KANSL1: variants seen among roughly 807,000 people sequenced by gnomAD.
KANSL1 encodes KAT8 regulatory NSL complex subunit 1, also known as MLL1/MLL complex subunit KANSL1.
KANSL1 carries 22 observed loss-of-function variants against 103.6 expected under a neutral mutation model. The ratio of observed to expected loss-of-function variants is 0.21; its 90% CI spans 0.15 to 0.30. The LOEUF (loss-of-function observed/expected upper bound fraction) is 0.30, where lower values mean the gene tolerates loss of function less well. Among genes scored for constraint, KANSL1 ranks in the 10% least tolerant of loss-of-function variants. The pLI is 1.00. For synonymous variants in KANSL1, 600 were observed against 527.6 expected (o/e 1.14, Z -1.88); for missense variants, 1,337 against 1,399.8 (o/e 0.96, Z 0.72).
intron 8 of KANSL1, 185 bp downstream of exon 8, chr17:46,039,517 G>T (rs1246255412): frequency 5.9e-6 from 4 of 682,468 alleles, no homozygotes; most frequent in Admixed American, 6.0e-5. Flanking sequence ...ATGGTGTCTA[G>T]AATAGCTCCC....
At chr17:46,097,302 AG>A (rs1312416119) in intron 2 of KANSL1, among the ~76,000 whole-genome samples, 1 of 152,260 alleles carries the variant, frequency 6.6e-6, no homozygotes, top group African/African-American at 2.4e-5. Context: ...CAAGTAGTGA[AG>A]GAATTTGATG....
rs1396054075 is a variant in KANSL1 at position 46,030,181 on chromosome 17, A to G, written c.*1295T>C. ...TTCAATGCTAAAAGGGTTATTCAGA[A>G]TTTTCAACCTTATAAATAGAAGAAG... is the stretch of plus-strand genomic sequence containing the variant. On this transcript the variant is annotated 3_prime_UTR_variant, in exon 15 of 15. Coordinates refer to ENST00000432791, the MANE Select transcript of KANSL1 (RefSeq NM_015443.4). 3 of 151,912 alleles carry G rather than the reference A, an allele frequency of 2.0e-5. No homozygotes were observed. Among genetic ancestry groups the G allele is most frequent in the Middle Eastern group, 3.2e-3 (1 of 316 alleles). 9.4% of individuals were successfully genotyped at this position (151,912 alleles called of 1,614,324 possible).
At chr17:46,134,215 T>C (rs529903354) in intron 2 of KANSL1, among the ~76,000 whole-genome samples, 6 of 151,876 alleles carry the variant, frequency 4.0e-5, no homozygotes, top group South Asian at 2.1e-4. Flanking sequence ...CTGACCAACA[T>C]TGAGAAACCT....
intron 1 of KANSL1, 134 bp from the exon 2 acceptor site, chr17:46,172,366 C>A: frequency 1.8e-6 from 1 of 567,582 alleles, no homozygotes; most frequent in Non-Finnish European, 3.0e-6. Context: ...CTAACTGTAC[C>A]ACAGTTATTC....
In KANSL1 at chr17:46,209,069, G is replaced by C. The variant is rs548122011; in HGVS notation, c.-90+14602C>G. Among the ~76,000 whole-genome samples, 4 of 152,112 alleles carry C rather than the reference G, an allele frequency of 2.6e-5. No homozygotes were observed. In the South Asian group the frequency reaches 8.3e-4, roughly 32 times the overall value. On this transcript the variant is annotated intron_variant, in intron 1 of 14. Transcript: ENST00000572904. ...GTGATGGCGCATGCCTGCAGTCTCAGCTGCTTGGGAGGCTGAGGCAGGAGA... is the reference window on the plus strand; with the variant it reads ...GTGATGGCGCATGCCTGCAGTCTCACCTGCTTGGGAGGCTGAGGCAGGAGA...
chr17:46,141,244 C>G (rs1357099974), intron 2 of KANSL1, among the ~76,000 whole-genome samples: 7 of 152,202 alleles, frequency 4.6e-5, no homozygotes, highest in Non-Finnish European at 1.5e-5. Flanking sequence ...CAAGGTGAAG[C>G]AAATGCATTA....
At chr17:46,131,682 T>C (rs964025568) in intron 2 of KANSL1, among the ~76,000 whole-genome samples, 6 of 152,174 alleles carry the variant, frequency 3.9e-5, no homozygotes, top group Non-Finnish European at 7.3e-5. Flanking sequence ...ACTGAGGAGA[T>C]AGGGCTGATA....
intron 1 of KANSL1, among the ~76,000 whole-genome samples, chr17:46,206,210 A>G (rs1415654310): frequency 2.0e-5 from 3 of 152,214 alleles, no homozygotes; most frequent in Non-Finnish European, 4.4e-5. Flanking sequence ...TGATCCCAGC[A>G]TACCCAAAAG....
At chr17:46,088,871 A>G (rs1308112037) in intron 3 of KANSL1, among the ~76,000 whole-genome samples, 1 of 152,238 alleles carries the variant, frequency 6.6e-6, no homozygotes, top group African/African-American at 2.4e-5. Flanking sequence ...CCTGGGCAAC[A>G]GAGCAAGACC....
At chr17:46,144,680 A>AAT (rs1376870027) in intron 2 of KANSL1, among the ~76,000 whole-genome samples, 2 of 40,080 alleles carry the variant, frequency 5.0e-5, no homozygotes, top group Non-Finnish European at 2.1e-4. Context: ...ACTACATAAT[A>AAT]AAAAAAAAAT....
chr17:46,074,135 G>A (rs2078675184), intron 4 of KANSL1, among the ~76,000 whole-genome samples: 1 of 152,016 alleles, frequency 6.6e-6, no homozygotes, highest in East Asian at 1.9e-4. Context: ...AAAGGAACCT[G>A]AGCTGAAGTA....
chr17:46,099,334 AAAAC>A (rs2042214751), intron 2 of KANSL1, among the ~76,000 whole-genome samples: 1 of 112,392 alleles, frequency 8.9e-6, no homozygotes, highest in Admixed American at 9.7e-5. Flanking sequence ...AAAAAAAAAA[AAAAC>A]AAAACAAAAA....
chr17:46,115,656 C>T (rs2043014029), intron 2 of KANSL1, among the ~76,000 whole-genome samples: 2 of 152,162 alleles, frequency 1.3e-5, no homozygotes, highest in African/African-American at 4.8e-5. Context: ...GAATGAAAAA[C>T]AGTTTATTTA....
At chr17:46,108,104 G>T (rs2042649679) in intron 2 of KANSL1, among the ~76,000 whole-genome samples, 1 of 152,096 alleles carries the variant, frequency 6.6e-6, no homozygotes, top group African/African-American at 2.4e-5. Flanking sequence ...TGTATAAAAG[G>T]ATAAGTTCGA....
At chr17:46,126,231 C>G (rs1033719538) in intron 2 of KANSL1, among the ~76,000 whole-genome samples, 2 of 152,170 alleles carry the variant, frequency 1.3e-5, no homozygotes, top group African/African-American at 4.8e-5. Context: ...CACCTGAGGT[C>G]AGGAGTTCGA....
intron 6 of KANSL1, among the ~76,000 whole-genome samples, chr17:46,056,752 G>A (rs1185880603): frequency 6.6e-6 from 1 of 152,226 alleles, no homozygotes; most frequent in Non-Finnish European, 1.5e-5. Context: ...TCATGGGAGT[G>A]TAGGAAAGAT....
At chr17:46,139,311 A>AAAG in intron 2 of KANSL1, among the ~76,000 whole-genome samples, 1 of 151,926 alleles carries the variant, frequency 6.6e-6, no homozygotes, top group Non-Finnish European at 1.5e-5. Flanking sequence ...AAAAAAAAAA[A>AAAG]GTATATAATG....
chr17:46,166,213 C>CAAA (rs147552413), intron 2 of KANSL1, among the ~76,000 whole-genome samples: 3 of 95,100 alleles, frequency 3.2e-5, no homozygotes, highest in East Asian at 2.7e-4. Context: ...GACTCTGTCT[C>CAAA]AAAAAAAAAA....
intron 2 of KANSL1, among the ~76,000 whole-genome samples, chr17:46,114,192 C>T (rs1009680692): frequency 7.2e-5 from 11 of 152,274 alleles, no homozygotes; most frequent in Admixed American, 6.5e-4. Flanking sequence ...AACCCCGTCT[C>T]TACTAAAAAT....
Sources: gnomAD v4.1 joint callset for allele counts (sites outside exome capture counted in the v4.1 genomes callset) on GRCh38, gnomAD v4.1.1 for gene constraint, MANE v1.5 for transcripts, NCBI Gene and HGNC (gene_info 2026-07-23, HGNC 2026-07-21) for gene names.